The following PPA2 variants were observed in gnomAD, a reference collection of about 807,000 sequenced individuals.
PPA2 encodes inorganic pyrophosphatase 2.
In PPA2, 48 loss-of-function variants were observed where a neutral mutation model predicts 49.5. The ratio of observed to expected loss-of-function variants is 0.97; its 90% CI spans 0.77 to 1.23. The LOEUF is 1.23. PPA2 is among the 50% of genes most tolerant of loss of function. The pLI is 0.00. For synonymous variants in PPA2, 131 were observed against 139.9 expected, an observed-to-expected ratio of 0.94 and a Z score of 0.45; for missense variants, 429 against 410.1, an observed-to-expected ratio of 1.05 and a Z score of -0.40.
At chr4:105,381,219 T>C (rs1733476155) in intron 10 of PPA2, among the ~76,000 whole-genome samples, 1 of 152,104 alleles carries the variant, frequency 6.6e-6, no homozygotes, top group Non-Finnish European at 1.5e-5. Flanking sequence ...TTTACACAAT[T>C]TTTTTCTACT....
Position 105,407,851 on chromosome 4 carries a change from G to A in PPA2, c.656-8687C>T, listed in dbSNP as rs1428545225. Among the ~76,000 whole-genome samples the A allele has an allele frequency of 3.9e-5, 6 of 152,180 alleles. No individual in the cohort carries two copies. The East Asian group carries it at 1.2e-3, about 29-fold the overall frequency. ...CTAATGGCCTATGGTAGGAGGAAGGGATTGACTGCACAGGGGTATGTGGGA... is the reference window on the plus strand; with the variant it reads ...CTAATGGCCTATGGTAGGAGGAAGGAATTGACTGCACAGGGGTATGTGGGA... On this transcript the variant is annotated intron_variant, in intron 7 of 11. Transcript: ENST00000341695.
chr4:105,467,636 A>G (rs1242205927), intron 1 of PPA2, among the ~76,000 whole-genome samples: 1 of 151,902 alleles, frequency 6.6e-6, no homozygotes, highest in Non-Finnish European at 1.5e-5. Flanking sequence ...AGGGTGAAGA[A>G]TCAGGAGGTT....
intron 9 of PPA2, among the ~76,000 whole-genome samples, chr4:105,393,960 T>C (rs1211241372): frequency 6.6e-6 from 1 of 152,202 alleles, no homozygotes; most frequent in Non-Finnish European, 1.5e-5. Context: ...CTTTAAATTT[T>C]CTAGATGCAT....
rs1170201891 is a variant in PPA2 at position 105,453,580 on chromosome 4, A to G, written c.267+18T>C. The G allele has an allele frequency of 6.4e-7, 1 of 1,561,376 alleles. No individual in the cohort carries two copies. Among genetic ancestry groups the G allele is most frequent in the African/African-American group, 1.4e-5 (1 of 72,736 alleles). The stretch of plus-strand genomic sequence containing the variant: ...CAATATAAAAGTGATTCACAAAAAT[A>G]AAAACCTTTGGATATACCTCATATT... On this transcript the variant is annotated intron_variant, in intron 3 of 11. Coordinates refer to ENST00000341695, the MANE Select transcript of PPA2 (RefSeq NM_176869.3).
chr4:105,426,810 G>A (rs1723533869), intron 6 of PPA2, among the ~76,000 whole-genome samples: 1 of 152,242 alleles, frequency 6.6e-6, no homozygotes. Flanking sequence ...AGCTTCTCCA[G>A]ACTTAAATGT....
chr4:105,395,360 G>A (rs548084164), intron 9 of PPA2, among the ~76,000 whole-genome samples: 31 of 152,076 alleles, frequency 2.0e-4, no homozygotes, highest in Non-Finnish European at 4.3e-4. Flanking sequence ...CGTATTCATA[G>A]TGTTATCTTT....
intron 1 of PPA2, chr4:105,473,387 AAAG>A: frequency 2.8e-6 from 1 of 357,506 alleles, no homozygotes; most frequent in Non-Finnish European, 5.5e-6. Context: ...CCCTCCAAAA[AAAG>A]AAGACGCGCT....
At chr4:105,421,825 T>C (rs1168968026) in intron 7 of PPA2, among the ~76,000 whole-genome samples, 1 of 152,094 alleles carries the variant, frequency 6.6e-6, no homozygotes, top group African/African-American at 2.4e-5. Context: ...GGTAGATCCC[T>C]TTAGGCCAGG....
intron 11 of PPA2, chr4:105,370,572 A>G: frequency 2.1e-6 from 2 of 973,042 alleles, no homozygotes; most frequent in Non-Finnish European, 2.4e-6. Context: ...ACTGGCTGGA[A>G]TATCTCAGTA....
chr4:105,434,974 C>A (rs1229348134), intron 6 of PPA2, among the ~76,000 whole-genome samples: 24 of 152,196 alleles, frequency 1.6e-4, no homozygotes, highest in Admixed American at 1.4e-3. Flanking sequence ...TTCAACAAAT[C>A]TGTGCTGAAA....
At chr4:105,473,254 T>A (rs1194144595) in intron 1 of PPA2, 1 of 179,212 alleles carries the variant, frequency 5.6e-6, no homozygotes, top group African/African-American at 2.4e-5. Context: ...TCTGGGCTTG[T>A]TCAGCTTGGG....
intron 1 of PPA2, among the ~76,000 whole-genome samples, chr4:105,464,641 T>TG (rs1723227918): frequency 6.6e-6 from 1 of 152,130 alleles, no homozygotes; most frequent in Non-Finnish European, 1.5e-5. Flanking sequence ...AATTGAATCA[T>TG]GGGGGCAAGT....
intron 7 of PPA2, among the ~76,000 whole-genome samples, chr4:105,415,471 C>T (rs2110257621): frequency 6.6e-6 from 1 of 152,330 alleles, no homozygotes; most frequent in African/African-American, 2.4e-5. Context: ...CACCCAGGAT[C>T]GGCCTCGACT....
chr4:105,369,120 C>G lies in PPA2; in HGVS notation c.*605G>C, dbSNP rs1463911613. On this transcript the variant is annotated 3_prime_UTR_variant, in exon 12 of 12. Coordinates refer to ENST00000341695, the MANE Select transcript of PPA2 (RefSeq NM_176869.3). ...TTATTGAATCTGTGATTTTTACATC[C>G]AATCTACAGAAATAAAAACTGGTAA... is the stretch of plus-strand genomic sequence containing the variant. 2 of 152,104 alleles carry G rather than the reference C, an allele frequency of 1.3e-5. No individual in the cohort carries two copies. Among genetic ancestry groups the G allele is most frequent in the African/African-American group, 4.8e-5 (2 of 41,412 alleles). 9.4% of individuals were successfully genotyped at this position (152,104 alleles called of 1,614,324 possible).
intron 1 of PPA2, among the ~76,000 whole-genome samples, chr4:105,463,556 A>G (rs1188885094): frequency 6.6e-6 from 1 of 152,230 alleles, no homozygotes. Flanking sequence ...TCCCCAAGAC[A>G]GTGATGAAAA....
chr4:105,382,888 C>T (rs1311563622), intron 10 of PPA2, among the ~76,000 whole-genome samples: 2 of 151,760 alleles, frequency 1.3e-5, no homozygotes, highest in African/African-American at 4.8e-5. Flanking sequence ...GTAGTCCCAG[C>T]AACTTGGGAG....
chr4:105,473,830 C>T, intron 1 of PPA2, 64 bp downstream of exon 1: 1 of 1,553,480 alleles, frequency 6.4e-7, no homozygotes, highest in Non-Finnish European at 8.7e-7. Flanking sequence ...CAAGTGTCCC[C>T]CATTCCATCC....
chr4:105,469,474 A>AC (rs547976997), intron 1 of PPA2, among the ~76,000 whole-genome samples: 2 of 152,386 alleles, frequency 1.3e-5, no homozygotes, highest in Admixed American at 1.3e-4. Flanking sequence ...ATGTATCTAT[A>AC]CCAGACAGCT....
At chr4:105,407,952 T>C (rs1722561256) in intron 7 of PPA2, among the ~76,000 whole-genome samples, 1 of 152,212 alleles carries the variant, frequency 6.6e-6, no homozygotes, top group South Asian at 2.1e-4. Context: ...CAAAACTCAC[T>C]GAATTGGATA....
Sources: allele counts gnomAD v4.1 joint callset (sites outside exome capture counted in the v4.1 genomes callset), GRCh38; gene constraint gnomAD v4.1.1; transcripts MANE v1.5; gene names NCBI Gene and HGNC (gene_info 2026-07-23, HGNC 2026-07-21).